Variants in CERKL observed in about 807,000 individuals in gnomAD.
CERKL encodes the protein CERK like autophagy regulator, also known as ceramide kinase-like protein.
A neutral mutation model predicts 63.4 loss-of-function variants in CERKL; 61 were observed. That is an observed-to-expected ratio of 0.96 (90% CI 0.78 to 1.19). The LOEUF is 1.19. Among genes scored for constraint, CERKL ranks in the 50% most tolerant of loss-of-function variants. The pLI is 0.00. For synonymous variants in CERKL, 250 were observed against 230.5 expected (o/e 1.08, Z -0.77); for missense variants, 675 against 655.5 (o/e 1.03, Z -0.33).
At chr2:181,564,860 T>A (rs534100529) in intron 4 of CERKL, among the ~76,000 whole-genome samples, 1 of 152,294 alleles carries the variant, frequency 6.6e-6, no homozygotes, top group African/African-American at 2.4e-5. Context: ...TGTATACTTG[T>A]AAGACAATTT....
chr2:181,557,417 G>A (rs760972960), intron 5 of CERKL, among the ~76,000 whole-genome samples: 3 of 152,096 alleles, frequency 2.0e-5, no homozygotes, highest in Non-Finnish European at 4.4e-5. Context: ...TAATTTTTGT[G>A]TAAGGTGTAA....
Position 181,538,183 on chromosome 2 carries a change from G to A in CERKL, c.*1C>T, listed in dbSNP as rs1687283954. On this transcript the variant is annotated 3_prime_UTR_variant, in exon 13 of 13. Transcript: ENST00000410087. ...ACATTTCTTTTAGAAACAATTACAT[G>A]TTACTTTGGAATCATTTCTTCCATG... 3 of 1,557,870 alleles carry A rather than the reference G, an allele frequency of 1.9e-6. No homozygotes were observed. Among genetic ancestry groups the A allele is most frequent in the Middle Eastern group, 2.1e-4 (1 of 4,834 alleles).
intron 1 of CERKL, among the ~76,000 whole-genome samples, chr2:181,647,610 C>T (rs903593903): frequency 2.0e-5 from 3 of 152,140 alleles, no homozygotes; most frequent in African/African-American, 7.2e-5. Context: ...TAGGACCCAT[C>T]TACAGGAAAA....
intron 4 of CERKL, among the ~76,000 whole-genome samples, chr2:181,564,159 G>C (rs1289663922): frequency 6.6e-6 from 1 of 152,116 alleles, no homozygotes; most frequent in Non-Finnish European, 1.5e-5. Context: ...CTGCTGACCT[G>C]ACAGGAGGTG....
chr2:181,569,057 A>G (rs1033513998), intron 3 of CERKL, among the ~76,000 whole-genome samples: 12 of 151,590 alleles, frequency 7.9e-5, no homozygotes, highest in Admixed American at 4.0e-4. Context: ...CCTCTCCCCC[A>G]CTCTAGCCAG....
intron 2 of CERKL, among the ~76,000 whole-genome samples, chr2:181,592,006 A>G (rs1422038401): frequency 6.6e-6 from 1 of 152,196 alleles, no homozygotes; most frequent in African/African-American, 2.4e-5. Context: ...TGATGGAAAC[A>G]GGTTGAAAAG....
At chr2:181,602,658 G>A (rs1472670435) in intron 2 of CERKL, among the ~76,000 whole-genome samples, 1 of 152,138 alleles carries the variant, frequency 6.6e-6, no homozygotes, top group Non-Finnish European at 1.5e-5. Flanking sequence ...AGCTTTATTG[G>A]CTGGCTGCCT....
chr2:181,593,993 C>T (rs1685091450), intron 2 of CERKL, among the ~76,000 whole-genome samples: 1 of 151,950 alleles, frequency 6.6e-6, no homozygotes, highest in South Asian at 2.1e-4. Context: ...ATTCCTTAGC[C>T]ATCTGTGAGG....
At chr2:181,640,170 T>C (rs764241506) in intron 1 of CERKL, among the ~76,000 whole-genome samples, 1 of 152,202 alleles carries the variant, frequency 6.6e-6, no homozygotes. Flanking sequence ...TTCCTCATAT[T>C]CTGGTTTGCA....
chr2:181,625,986 C>T (rs112185907), intron 1 of CERKL, among the ~76,000 whole-genome samples: 2,759 of 152,236 alleles, frequency 0.018, 44 homozygotes, highest in Middle Eastern at 0.031. Flanking sequence ...AGTGAATGCT[C>T]ACTACACCAT....
In CERKL at chr2:181,656,980, C is replaced by G. The variant is rs368855330; in HGVS notation, c.27G>C (p.Arg9=). 2.5e-6 allele frequency: 4 copies of G among 1,581,720 alleles called. No individual in the cohort carries two copies. The East Asian group carries it at 6.8e-5, about 27-fold the overall frequency. The change falls in exon 1 of 13, where the codon CGG becomes CGC. Residue 9 remains arginine, a synonymous_variant. Coordinates refer to ENST00000410087, the MANE Select transcript of CERKL (RefSeq NM_201548.5). Reference sequence around the variant, plus strand: ...CCCGGCCGCCCTCCAGGGCACTCACCCGGTTCCTGCGCCTCCTCCAGGGCA... The same window carrying G: ...CCCGGCCGCCCTCCAGGGCACTCACGCGGTTCCTGCGCCTCCTCCAGGGCA... MPWRRRRN[R]VSALEGGREE...
At chr2:181,570,949 A>G (rs1020649216) in intron 3 of CERKL, among the ~76,000 whole-genome samples, 1 of 152,084 alleles carries the variant, frequency 6.6e-6, no homozygotes, top group Non-Finnish European at 1.5e-5. Flanking sequence ...CATGCAGAAG[A>G]TATGTCCTCT....
intron 1 of CERKL, among the ~76,000 whole-genome samples, chr2:181,618,264 ATATTT>A (rs1686291501): frequency 5.9e-5 from 1 of 16,850 alleles, no homozygotes; most frequent in East Asian, 1.0e-3. Context: ...AACTTACACA[ATATTT>A]TTTTTTTTTT....
chr2:181,591,781 T>C (rs1303599391), intron 2 of CERKL, among the ~76,000 whole-genome samples: 3 of 152,122 alleles, frequency 2.0e-5, no homozygotes, highest in East Asian at 1.9e-4. Context: ...TTCTAATAAA[T>C]ATGTCCTAAC....
intron 1 of CERKL, among the ~76,000 whole-genome samples, chr2:181,654,607 C>T (rs1688076579): frequency 6.6e-6 from 1 of 152,132 alleles, no homozygotes. Context: ...ACATGCTCTC[C>T]CCCCACCACA....
At chr2:181,607,875 A>G (rs1439028462) in intron 1 of CERKL, among the ~76,000 whole-genome samples, 1 of 152,238 alleles carries the variant, frequency 6.6e-6, no homozygotes, top group East Asian at 1.9e-4. Flanking sequence ...ACATAGGTGA[A>G]TGCATATAGA....
At chr2:181,651,758 T>C (rs920503423) in intron 1 of CERKL, among the ~76,000 whole-genome samples, 46 of 150,302 alleles carry the variant, frequency 3.1e-4, no homozygotes, top group Admixed American at 3.3e-4. Context: ...TATGATCTTA[T>C]AGATAGAAAA....
chr2:181,546,378 C>G (rs1359663899), intron 10 of CERKL, among the ~76,000 whole-genome samples: 2 of 152,168 alleles, frequency 1.3e-5, no homozygotes, highest in South Asian at 4.1e-4. Context: ...CAGCTAGCCA[C>G]GTCTTCAAGT....
At chr2:181,565,748 G>C (rs1431491633) in intron 4 of CERKL, among the ~76,000 whole-genome samples, 2 of 152,028 alleles carry the variant, frequency 1.3e-5, no homozygotes. Flanking sequence ...TGCTTCTCTA[G>C]ATATATGGTA....
Sources: gnomAD v4.1 joint callset for allele counts (sites outside exome capture counted in the v4.1 genomes callset) on GRCh38, gnomAD v4.1.1 for gene constraint, MANE v1.5 for transcripts, NCBI Gene and HGNC (gene_info 2026-07-23, HGNC 2026-07-21) for gene names.